The following AGAP1 variants were observed in gnomAD, a reference collection of about 807,000 sequenced individuals.
AGAP1 encodes arf-GAP with GTPase, ANK repeat and PH domain-containing protein 1.
Under a neutral mutation model 105.3 loss-of-function variants are expected in AGAP1, and 29 were observed. The ratio of observed to expected loss-of-function variants is 0.28; its 90% CI spans 0.21 to 0.38. The LOEUF (loss-of-function observed/expected upper bound fraction) is 0.38. Ranked by LOEUF, AGAP1 falls within the 10% of genes least tolerant of loss-of-function variation. The pLI is 1.00. For missense variants in AGAP1, 998 were observed against 1,165.1 expected (o/e 0.86, Z 2.09); for synonymous variants, 509 against 485.9 (o/e 1.05, Z -0.63).
chr2:235,667,959 CAAAAAA>C (rs142657060), intron 1 of AGAP1, among the ~76,000 whole-genome samples: 9 of 61,926 alleles, frequency 1.5e-4, no homozygotes, highest in African/African-American at 4.0e-4. Context: ...GCCTCTGTCT[CAAAAAA>C]AAAAAAAAAA....
intron 9 of AGAP1, among the ~76,000 whole-genome samples, chr2:235,841,265 G>A (rs541065452): frequency 2.6e-5 from 4 of 152,296 alleles, no homozygotes; most frequent in African/African-American, 9.6e-5. Flanking sequence ...GTGGCGAACT[G>A]TTCCAGAAAG....
intron 1 of AGAP1, among the ~76,000 whole-genome samples, chr2:235,572,782 A>C (rs1944572410): frequency 6.6e-6 from 1 of 152,168 alleles, no homozygotes; most frequent in Non-Finnish European, 1.5e-5. Context: ...TCAGCCCCAC[A>C]AAGGAGGACC....
In AGAP1 at chr2:235,723,972, G is replaced by T. The variant is rs551783810; in HGVS notation, c.310+6328G>T. ...GGGCCGGGGCCTGCCTGCCACTGAG[G>T]CCCAGCGGCTGCCTGCGAGGGTCAG... On this transcript the variant is annotated intron_variant, in intron 3 of 17. Coordinates refer to ENST00000304032, the MANE Select transcript of AGAP1 (RefSeq NM_001037131.3). This position sits in a 1 kb window ranked among gnomAD's most constrained non-coding sequence, Gnocchi z 6.2. 6.6e-6 allele frequency among the ~76,000 whole-genome samples: 1 copy of T among 152,290 alleles called. No individual in the cohort carries two copies. The highest frequency in any genetic ancestry group is 1.9e-4 in the East Asian group (1 of 5,166).
In AGAP1 at chr2:235,553,291, A is replaced by G. The variant is rs1339603395; in HGVS notation, c.163+58442A>G. On this transcript the variant is annotated intron_variant, in intron 1 of 17. Coordinates refer to ENST00000304032, the MANE Select transcript of AGAP1 (RefSeq NM_001037131.3). This position sits in a 1 kb window ranked among gnomAD's most constrained non-coding sequence, Gnocchi z 4.5. ...GGGGGTTGAGATCAAGAGATGACCA[A>G]CGACTGGACATCTGGGAGGCAGTGG... Among the ~76,000 whole-genome samples, 7 of 151,092 alleles carry G rather than the reference A, an allele frequency of 4.6e-5. No individual in the cohort carries two copies. The highest frequency in any genetic ancestry group is 1.5e-4 in the African/African-American group (6 of 41,138).
In AGAP1 at chr2:235,642,833, A is replaced by G. The variant is rs569692724; in HGVS notation, c.164-66346A>G. 1.3e-5 allele frequency among the ~76,000 whole-genome samples: 2 copies of G among 152,244 alleles called. No individual in the cohort carries two copies. Among genetic ancestry groups the G allele is most frequent in the Non-Finnish European group, 2.9e-5 (2 of 68,040 alleles). ...AATAAAATTATTTTGCTTTGCAAAG[A>G]TTAGGCAAATCCCAGGTTGCTGAGT... On this transcript the variant is annotated intron_variant, in intron 1 of 17. Coordinates refer to ENST00000304032, the MANE Select transcript of AGAP1 (RefSeq NM_001037131.3). This position sits in a 1 kb window ranked among gnomAD's most constrained non-coding sequence, Gnocchi z 4.1.
chr2:235,601,447 A>G lies in AGAP1; in HGVS notation c.163+106598A>G, dbSNP rs887316002. Among the ~76,000 whole-genome samples the G allele has an allele frequency of 6.6e-6, 1 of 152,236 alleles. No homozygotes were observed. Among genetic ancestry groups the G allele is most frequent in the African/African-American group, 2.4e-5 (1 of 41,476 alleles). On this transcript the variant is annotated intron_variant, in intron 1 of 17. Transcript: ENST00000304032. This position sits in a 1 kb window ranked among gnomAD's most constrained non-coding sequence, Gnocchi z 4.4. ...AGAAGTTTAACGGACTCACAGTTCT[A>G]CATGGCTGGGGAGGCCTCACAGTCA...
intron 1 of AGAP1, among the ~76,000 whole-genome samples, chr2:235,520,233 A>G (rs1574750002): frequency 6.6e-6 from 1 of 152,222 alleles, no homozygotes; most frequent in African/African-American, 2.4e-5. Flanking sequence ...TCAAATATCC[A>G]GTCTGTGCCC....
intron 1 of AGAP1, among the ~76,000 whole-genome samples, chr2:235,519,781 T>C (rs1188940875): frequency 6.6e-6 from 1 of 152,094 alleles, no homozygotes; most frequent in African/African-American, 2.4e-5. Context: ...ATATTATTAT[T>C]ATCATTATTT....
chr2:235,815,630 T>A (rs1958408571), intron 9 of AGAP1, among the ~76,000 whole-genome samples: 1 of 152,128 alleles, frequency 6.6e-6, no homozygotes, highest in South Asian at 2.1e-4. Flanking sequence ...GCCTTCCTGG[T>A]CATATAAGGT....
Position 235,989,432 on chromosome 2 carries a change from C to G in AGAP1, c.1645+20809C>G, listed in dbSNP as rs546964256. On this transcript the variant is annotated intron_variant, in intron 13 of 17. Coordinates refer to ENST00000304032, the MANE Select transcript of AGAP1 (RefSeq NM_001037131.3). The surrounding 1 kb of genome is among the most constrained non-coding windows in gnomAD (Gnocchi z 4.4). ...AACATCAGGAGGAGGGTCCGCAGCT[C>G]GATGGTGATGAGTGTAGGGGAGAGG... 6.6e-6 allele frequency among the ~76,000 whole-genome samples: 1 copy of G among 152,170 alleles called. No individual in the cohort carries two copies. The highest frequency in any genetic ancestry group is 6.5e-5 in the Admixed American group (1 of 15,284).
chr2:235,847,515 GAT>G (rs1961641259), intron 9 of AGAP1, among the ~76,000 whole-genome samples: 2 of 152,214 alleles, frequency 1.3e-5, no homozygotes, highest in African/African-American at 4.8e-5. Context: ...TCTTTGAAAA[GAT>G]ATGACAGGGT....
Position 236,098,620 on chromosome 2 carries a change from CTTTTTTTT to C in AGAP1, c.2115-21560_2115-21553del, listed in dbSNP as rs34419216. 5.6e-3 allele frequency among the ~76,000 whole-genome samples: 645 copies of C among 115,244 alleles called. 17 individuals carry two copies. The highest frequency in any genetic ancestry group is 0.023 in the African/African-American group (605 of 25,796). The allele number at this position is 115,244 out of a possible 152,430, so 75.6% of individuals were successfully genotyped here. On this transcript the variant is annotated intron_variant, in intron 16 of 17. Transcript: ENST00000304032. ...GCTGACTTGATGAAATCTTTTTTTC[CTTTTTTTT>C]TTTTTTTTTTTAGAGAAACAGGGTC... is the stretch of plus-strand genomic sequence containing the variant.
In AGAP1 at chr2:235,692,732, T is replaced by G. The variant is rs1369123925; in HGVS notation, c.164-16447T>G. Among the ~76,000 whole-genome samples the G allele has an allele frequency of 6.6e-6, 1 of 152,182 alleles. No individual in the cohort carries two copies. Among genetic ancestry groups the G allele is most frequent in the African/African-American group, 2.4e-5 (1 of 41,452 alleles). On this transcript the variant is annotated intron_variant, in intron 1 of 17. Coordinates refer to ENST00000304032, the MANE Select transcript of AGAP1 (RefSeq NM_001037131.3). The surrounding 1 kb of genome is among the most constrained non-coding windows in gnomAD (Gnocchi z 5.8). Reference sequence around the variant, plus strand: ...TCCCTGCTTATCCTTCCCTGCCGCCTCGTGTGTCCTGCATGGCATTTGTTA... The same window carrying G: ...TCCCTGCTTATCCTTCCCTGCCGCCGCGTGTGTCCTGCATGGCATTTGTTA...
At chr2:235,946,854 C>G (rs1315162786) in intron 12 of AGAP1, among the ~76,000 whole-genome samples, 2 of 152,134 alleles carry the variant, frequency 1.3e-5, no homozygotes, top group Non-Finnish European at 2.9e-5. Flanking sequence ...CCTGCTGTGC[C>G]TGGGAACCCC....
At position 235,741,747 on chromosome 2, in the gene AGAP1, TTTA is replaced by T. The variant is rs1952599460; in HGVS notation, c.396+705_396+707del. On this transcript the variant is annotated intron_variant, in intron 4 of 17. Transcript: ENST00000304032. This position sits in a 1 kb window ranked among gnomAD's most constrained non-coding sequence, Gnocchi z 4.9. Reference sequence around the variant, plus strand: ...GTTGTTATTATTATTATTGTTATTTTTTATTATTTATTTATTTTTTTTTTTTGA... The same window carrying T: ...GTTGTTATTATTATTATTGTTATTTTTTATTTATTTATTTTTTTTTTTTGA... Among the ~76,000 whole-genome samples, 2 of 150,678 alleles carry T rather than the reference TTTA, an allele frequency of 1.3e-5. No individual in the cohort carries two copies. The highest frequency in any genetic ancestry group is 2.9e-5 in the Non-Finnish European group (2 of 67,800).
Position 236,061,107 on chromosome 2 carries a change from T to A in AGAP1, c.2114+11826T>A, listed in dbSNP as rs2125756220. 6.6e-6 allele frequency among the ~76,000 whole-genome samples: 1 copy of A among 152,264 alleles called. No individual in the cohort carries two copies. The highest frequency in any genetic ancestry group is 2.4e-5 in the African/African-American group (1 of 41,564). Reference sequence around the variant, plus strand: ...AATAAAAATGGGCTAAGACTCTAAATAGACATTTCTCCAGAAAATATAAAA... The same window carrying A: ...AATAAAAATGGGCTAAGACTCTAAAAAGACATTTCTCCAGAAAATATAAAA... On this transcript the variant is annotated intron_variant, in intron 16 of 17. Transcript: ENST00000304032. The surrounding 1 kb of genome is among the most constrained non-coding windows in gnomAD (Gnocchi z 4.1).
intron 1 of AGAP1, among the ~76,000 whole-genome samples, chr2:235,572,962 A>G (rs1394814569): frequency 2.7e-5 from 4 of 148,682 alleles, no homozygotes; most frequent in Non-Finnish European, 4.5e-5. Flanking sequence ...AGACTCCCCG[A>G]TTGCTCCATC....
chr2:235,882,418 T>G lies in AGAP1; in HGVS notation c.1051-927T>G. ...GTCTCTTTGGTCGGCAGGGTGTTCT[T>G]CTCCTGCGTCTCCGTTTTCTTCAGC... On this transcript the variant is annotated intron_variant, in intron 9 of 17. Transcript: ENST00000304032. The surrounding 1 kb of genome is among the most constrained non-coding windows in gnomAD (Gnocchi z 4.6). The G allele has an allele frequency of 6.3e-7, 1 of 1,584,310 alleles. No homozygotes were observed. The highest frequency in any genetic ancestry group is 8.6e-7 in the Non-Finnish European group (1 of 1,156,720).
In AGAP1 at chr2:235,819,904, CT is replaced by C. The variant is rs1179307250; in HGVS notation, c.1050+12589del. On this transcript the variant is annotated intron_variant, in intron 9 of 17. Transcript: ENST00000304032. ...TGGCTTTTTTTTTTCTTCTTTCTTTCTTTTTTTTTTTTTTTTGAGACGGAGT... is the reference window on the plus strand; with the variant it reads ...TGGCTTTTTTTTTTCTTCTTTCTTTCTTTTTTTTTTTTTTTGAGACGGAGT... Among the ~76,000 whole-genome samples the C allele has an allele frequency of 6.6e-3, 860 of 130,228 alleles. 17 individuals are homozygous for C. The highest frequency in any genetic ancestry group is 0.022 in the East Asian group (100 of 4,486). 85.4% of individuals were successfully genotyped at this position (130,228 alleles called of 152,430 possible). A position where few individuals can be genotyped will look rare whatever the true frequency, so the allele number is the denominator to read the frequency against.
Sources: gnomAD v4.1 joint callset for allele counts (sites outside exome capture counted in the v4.1 genomes callset) on GRCh38, gnomAD v4.1.1 for gene constraint, Gnocchi (gnomAD v3.1) non-coding constraint, MANE v1.5 for transcripts, NCBI Gene and HGNC (gene_info 2026-07-23, HGNC 2026-07-21) for gene names.